The following SYCE1 variants were observed in gnomAD, a reference collection of about 807,000 sequenced individuals.
SYCE1 encodes synaptonemal complex central element protein 1, also known as cancer/testis antigen 76.
SYCE1 carries 37 observed loss-of-function variants against 55.1 expected under a neutral mutation model. That is an observed-to-expected ratio of 0.67 (90% CI 0.52 to 0.88). The LOEUF (loss-of-function observed/expected upper bound fraction) is 0.88, where lower values mean the gene tolerates loss of function less well. SYCE1 is among the 40% of genes least tolerant of loss of function. The pLI is 0.00. For synonymous variants in SYCE1, 163 were observed against 159.4 expected, an observed-to-expected ratio of 1.02 and a Z score of -0.17; for missense variants, 399 against 416.4, an observed-to-expected ratio of 0.96 and a Z score of 0.36.
At chr10:133,555,495 C>A in intron 11 of SYCE1, 57 bp from the exon 12 acceptor site, 1 of 1,611,552 alleles carries the variant, frequency 6.2e-7, no homozygotes, top group African/African-American at 1.3e-5. Context: ...GGAGGAGGGA[C>A]AAGAGGTTTT....
chr10:133,565,313 C>A, intron 1 of SYCE1, 144 bp downstream of exon 1: 2 of 717,724 alleles, frequency 2.8e-6, no homozygotes, highest in Non-Finnish European at 4.2e-6. Context: ...TCATCTTGGC[C>A]GAAATTTTTC....
chr10:133,561,384 C>T (rs10857757), intron 1 of SYCE1, among the ~76,000 whole-genome samples: 14,889 of 152,174 alleles, frequency 0.098, 887 homozygotes, highest in East Asian at 0.25. Flanking sequence ...GGAAGTCCCC[C>T]ATCCAGGGAA....
chr10:133,567,361 G>A (rs1023268229), upstream of SYCE1, among the ~76,000 whole-genome samples: 1 of 151,616 alleles, frequency 6.6e-6, no homozygotes, highest in Non-Finnish European at 1.5e-5. Flanking sequence ...TTAGGTGTTA[G>A]GGGTTAGGGT....
chr10:133,556,977 C>T (rs1323522711), intron 7 of SYCE1, 90 bp downstream of exon 7: 28 of 1,487,226 alleles, frequency 1.9e-5, no homozygotes, highest in Non-Finnish European at 2.5e-5. Context: ...CTCCATGGCT[C>T]AGTGTAGCCA....
upstream of SYCE1, among the ~76,000 whole-genome samples, chr10:133,566,183 C>G (rs1851930728): frequency 6.6e-6 from 1 of 152,186 alleles, no homozygotes; most frequent in African/African-American, 2.4e-5. Context: ...GCCCGGAGGG[C>G]CCTGGGAGGA....
chr10:133,568,236 C>T (rs1267123331), upstream of SYCE1: 4 of 1,384,866 alleles, frequency 2.9e-6, no homozygotes, highest in Admixed American at 2.0e-5. Flanking sequence ...GAACCCAGTC[C>T]TCCTCGTCCT....
intron 1 of SYCE1, among the ~76,000 whole-genome samples, chr10:133,562,021 G>C (rs1452651183): frequency 1.3e-5 from 2 of 152,082 alleles, no homozygotes; most frequent in African/African-American, 4.8e-5. Flanking sequence ...TTGCTAGCCA[G>C]GCCAAACTGA....
At chr10:133,558,412 G>A (rs915432659) in intron 4 of SYCE1, 198 bp from the exon 5 acceptor site, 5 of 623,652 alleles carry the variant, frequency 8.0e-6, no homozygotes, top group Admixed American at 2.8e-5. Flanking sequence ...TACAGAGGGT[G>A]GCTGTGAGGG....
At chr10:133,559,474 C>G in intron 2 of SYCE1, 114 bp from the exon 3 acceptor site, 6 of 1,066,346 alleles carry the variant, frequency 5.6e-6, no homozygotes, top group Non-Finnish European at 8.6e-6. Flanking sequence ...CTCCTGCAAG[C>G]AGGTGCTCTG....
chr10:133,558,157 C>A lies in SYCE1; in HGVS notation c.319+10G>T, dbSNP rs116399728. On this transcript the variant is annotated intron_variant, in intron 5 of 12. Transcript: ENST00000343131. ...AGGCACAAGCCTGGAGACAGGGGAGCGGCAAATACCTTGTTTTTTGCTCAA... is the reference window on the plus strand; with the variant it reads ...AGGCACAAGCCTGGAGACAGGGGAGAGGCAAATACCTTGTTTTTTGCTCAA... 3 of 1,613,976 alleles carry A rather than the reference C, an allele frequency of 1.9e-6. No individual in the cohort carries two copies. Among genetic ancestry groups the A allele is most frequent in the Non-Finnish European group, 2.5e-6 (3 of 1,179,982 alleles).
chr10:133,565,620 G>C, upstream of SYCE1: 1 of 1,341,576 alleles, frequency 7.5e-7, no homozygotes, highest in East Asian at 2.6e-5. Flanking sequence ...TCCAGGCAGC[G>C]CGCCTGCGCA....
downstream of SYCE1, chr10:133,554,415 T>A: frequency 8.2e-7 from 1 of 1,220,612 alleles, no homozygotes; most frequent in East Asian, 2.3e-5. Flanking sequence ...TTGGTCTTGA[T>A]TGGGTCAACG....
chr10:133,559,130 G>A, intron 3 of SYCE1, 171 bp downstream of exon 3: 1 of 916,006 alleles, frequency 1.1e-6, no homozygotes, highest in South Asian at 1.6e-5. Flanking sequence ...TCATGGGCAT[G>A]TAACTATGGC....
intron 12 of SYCE1, 106 bp from the exon 13 acceptor site, chr10:133,555,235 C>A: frequency 6.4e-7 from 1 of 1,561,080 alleles, no homozygotes; most frequent in Non-Finnish European, 8.7e-7. Flanking sequence ...TGGGAAAGGC[C>A]CTCCCCATAG....
intron 6 of SYCE1, 89 bp from the exon 7 acceptor site, chr10:133,557,245 A>C (rs978536801): frequency 9.4e-7 from 1 of 1,061,318 alleles, no homozygotes; most frequent in African/African-American, 1.5e-5. Context: ...TATTGAGGCT[A>C]TTTTTTCCCT....
chr10:133,566,224 C>T (rs1851931652), upstream of SYCE1, among the ~76,000 whole-genome samples: 1 of 152,218 alleles, frequency 6.6e-6, no homozygotes, highest in Non-Finnish European at 1.5e-5. Flanking sequence ...TCGGGAGAAC[C>T]CAGCCCTTCA....
At chr10:133,565,263 G>A (rs1049901873) in intron 1 of SYCE1, among the ~76,000 whole-genome samples, 194 bp downstream of exon 1, 3 of 152,226 alleles carry the variant, frequency 2.0e-5, no homozygotes, top group Admixed American at 6.5e-5. Context: ...ACAGTTCAAT[G>A]CTTTAAGACA....
upstream of SYCE1, chr10:133,565,644 C>A: frequency 9.9e-7 from 1 of 1,006,744 alleles, no homozygotes. Flanking sequence ...CACTCCTGCG[C>A]GCGCCTGGAG....
chr10:133,555,848 A>C lies in SYCE1; in HGVS notation c.651T>G (p.Cys217Trp), dbSNP rs1478036883. ...EDVKHQLCSL[C>W]GAEGPSTLDE... is the part of the protein sequence containing the mutation. ...CAAGGGTGGAGGGGCCCTCAGCCCC[A>C]CACAGGGAGCACAGCTGATGCTTCA... Residue 217 changes from cysteine to tryptophan, a missense_variant, in exon 10 of 13, where the codon TGT (cysteine) becomes TGG (tryptophan). Coordinates refer to ENST00000343131, the MANE Select transcript of SYCE1 (RefSeq NM_001143764.3). 1 of 1,613,894 alleles carries C rather than the reference A, an allele frequency of 6.2e-7. No individual in the cohort carries two copies. Among genetic ancestry groups the C allele is most frequent in the Non-Finnish European group, 8.5e-7 (1 of 1,180,000 alleles).
Sources: gnomAD v4.1 joint callset for allele counts (sites outside exome capture counted in the v4.1 genomes callset) on GRCh38, gnomAD v4.1.1 for gene constraint, MANE v1.5 for transcripts, NCBI Gene and HGNC (gene_info 2026-07-23, HGNC 2026-07-21) for gene names.